The following TLK1 variants were observed in gnomAD, a reference collection of about 807,000 sequenced individuals.
TLK1 encodes the protein serine/threonine-protein kinase tousled-like 1.
TLK1 carries 24 observed loss-of-function variants against 105.3 expected under a neutral mutation model. The observed-to-expected ratio is 0.23, with a 90% CI of 0.17 to 0.32. TLK1 has a LOEUF of 0.32. Ranked by LOEUF, TLK1 falls within the 10% of genes least tolerant of loss-of-function variation. The probability of loss-of-function intolerance (pLI) is 1.00; values close to 1 mark genes in which losing one functional copy is unlikely to be tolerated. For synonymous variants in TLK1, 321 were observed against 310.4 expected (o/e 1.03, Z -0.36); for missense variants, 558 against 910.5 (o/e 0.61, Z 4.98).
upstream of TLK1, among the ~76,000 whole-genome samples, chr2:171,162,235 C>T (rs1442429206): frequency 6.6e-6 from 1 of 152,182 alleles, no homozygotes. Flanking sequence ...ATAAACTGCA[C>T]ATATTTAAAG....
chr2:171,049,390 G>T (rs1687124079), intron 10 of TLK1, among the ~76,000 whole-genome samples: 1 of 152,154 alleles, frequency 6.6e-6, no homozygotes, highest in Admixed American at 6.6e-5. Context: ...CAAAAGAGAA[G>T]TTTTTTCCCT....
At chr2:171,065,541 C>CTTT (rs34975890) in intron 3 of TLK1, among the ~76,000 whole-genome samples, 1 of 140,298 alleles carries the variant, frequency 7.1e-6, no homozygotes, top group Non-Finnish European at 1.6e-5. Flanking sequence ...GCTATTCTTT[C>CTTT]TTTTTTTTTT....
chr2:171,016,016 T>G (rs1685191651), intron 12 of TLK1, among the ~76,000 whole-genome samples: 1 of 151,966 alleles, frequency 6.6e-6, no homozygotes, highest in African/African-American at 2.4e-5. Flanking sequence ...AAGTGGAAGT[T>G]GCAGCAAGCT....
At chr2:171,036,248 C>T (rs1237234043) in intron 11 of TLK1, among the ~76,000 whole-genome samples, 1 of 152,144 alleles carries the variant, frequency 6.6e-6, no homozygotes, top group East Asian at 1.9e-4. Context: ...AGTTCGAGAC[C>T]AGCCTGACCA....
In TLK1 at chr2:171,061,090, T is replaced by C. The variant is rs774536620; in HGVS notation, c.397A>G (p.Ser133Gly). The C allele has an allele frequency of 1.2e-6, 2 of 1,613,514 alleles. No individual in the cohort carries two copies. Among genetic ancestry groups the C allele is most frequent in the Non-Finnish European group, 1.7e-6 (2 of 1,179,730 alleles). ...GATGTTATGTGCTTACCCTGACTACTTTCATTCTGGTTTTCTGCTTTTCTC... is the reference window on the plus strand; with the variant it reads ...GATGTTATGTGCTTACCCTGACTACCTTCATTCTGGTTTTCTGCTTTTCTC... The part of the protein sequence containing the change: ...RKRKAENQNE[S>G]SQGKSIGGRG... Residue 133 changes from serine to glycine, a missense_variant, in exon 4 of 21, where the codon AGT becomes GGT. By Grantham distance (56) the Ser-to-Gly change is moderately conservative (BLOSUM62 0). Transcript: ENST00000431350.
intron 14 of TLK1, among the ~76,000 whole-genome samples, chr2:171,008,892 T>G (rs938926250): frequency 3.9e-5 from 6 of 152,064 alleles, no homozygotes; most frequent in African/African-American, 1.4e-4. Flanking sequence ...TAGCAGAGGG[T>G]TGTTATGAAG....
intron 1 of TLK1, among the ~76,000 whole-genome samples, chr2:171,128,679 C>CT (rs1282654250): frequency 1.3e-5 from 2 of 152,100 alleles, no homozygotes; most frequent in East Asian, 3.8e-4. Flanking sequence ...AGTTCCTCTT[C>CT]CTCTAGCCTC....
chr2:171,083,381 T>C (rs1234714443), intron 2 of TLK1, among the ~76,000 whole-genome samples: 1 of 152,206 alleles, frequency 6.6e-6, no homozygotes, highest in Non-Finnish European at 1.5e-5. Flanking sequence ...CCATTTTAAT[T>C]AATTGCTTTG....
chr2:171,157,670 A>C (rs1692291838), intron 1 of TLK1, among the ~76,000 whole-genome samples: 2 of 152,252 alleles, frequency 1.3e-5, no homozygotes, highest in African/African-American at 4.8e-5. Flanking sequence ...AAATAATCAG[A>C]TCATAATCTT....
intron 1 of TLK1, among the ~76,000 whole-genome samples, chr2:171,123,106 T>C (rs1690727003): frequency 6.6e-6 from 1 of 150,578 alleles, no homozygotes; most frequent in South Asian, 2.1e-4. Context: ...TTAATAAAAG[T>C]TTGCTAATGA....
At chr2:171,158,802 A>T (rs531742653) in intron 1 of TLK1, among the ~76,000 whole-genome samples, 1 of 152,310 alleles carries the variant, frequency 6.6e-6, no homozygotes, top group South Asian at 2.1e-4. Flanking sequence ...GAATCACCAG[A>T]TATACTAAAT....
chr2:171,040,561 C>CTT (rs1181007351), intron 11 of TLK1, among the ~76,000 whole-genome samples: 81 of 123,646 alleles, frequency 6.6e-4, no homozygotes, highest in African/African-American at 2.3e-3. Context: ...AAATATATTC[C>CTT]TTTTTTGTTT....
chr2:171,160,694 G>A lies in TLK1; in HGVS notation c.-266C>T, dbSNP rs1005426862. 10 of 502,384 alleles carry A rather than the reference G, an allele frequency of 2.0e-5. No homozygotes were observed. The highest frequency in any genetic ancestry group is 1.6e-4 in the African/African-American group (8 of 49,404). The allele number at this position is 502,384 out of a possible 1,614,324, so 31.1% of individuals were successfully genotyped here. A position where few individuals can be genotyped will look rare whatever the true frequency, so the allele number is the denominator to read the frequency against. On this transcript the variant is annotated 5_prime_UTR_variant, in exon 1 of 21. Transcript: ENST00000431350. This position sits in a 1 kb window ranked among gnomAD's most constrained non-coding sequence, Gnocchi z 4.4. Reference sequence around the variant, plus strand: ...CGCGCCAGAGGAGAGGAGGAGGAAAGGAGCGCGGCGGCGGAGGCGTCGAGG... The same window carrying A: ...CGCGCCAGAGGAGAGGAGGAGGAAAAGAGCGCGGCGGCGGAGGCGTCGAGG...
intron 1 of TLK1, among the ~76,000 whole-genome samples, chr2:171,223,533 G>T (rs541957273): frequency 7.1e-6 from 1 of 140,624 alleles, no homozygotes; most frequent in Admixed American, 7.6e-5. Context: ...AGGCTGGAGT[G>T]CAGTGGCAAG....
chr2:171,160,059 A>G lies in TLK1; in HGVS notation c.139+231T>C, dbSNP rs1232116998. Among the ~76,000 whole-genome samples, 1 of 151,998 alleles carries G rather than the reference A, an allele frequency of 6.6e-6. No homozygotes were observed. The highest frequency in any genetic ancestry group is 1.5e-5 in the Non-Finnish European group (1 of 67,950). On this transcript the variant is annotated intron_variant, in intron 1 of 20. Coordinates refer to ENST00000431350, the MANE Select transcript of TLK1 (RefSeq NM_012290.5). This position sits in a 1 kb window ranked among gnomAD's most constrained non-coding sequence, Gnocchi z 4.4. ...CTATGCGCCTCGCCCCGTCCCCACC[A>G]GCGCGCACCCCCTCGTCCGTCTCCT...
intron 17 of TLK1, 62 bp downstream of exon 17, chr2:171,006,412 A>G: frequency 6.7e-7 from 1 of 1,502,604 alleles, no homozygotes; most frequent in South Asian, 1.3e-5. Context: ...CAGATAACTT[A>G]ATGAATGACT....
chr2:171,154,182 T>C (rs113889177), intron 1 of TLK1, among the ~76,000 whole-genome samples: 329 of 152,062 alleles, frequency 2.2e-3, no homozygotes, highest in African/African-American at 7.7e-3. Flanking sequence ...ACATAGCACC[T>C]CGCCTGATGA....
rs563384218 is a variant in TLK1, at chr2:171,110,373, G to A, written c.258+7366C>T. Among the ~76,000 whole-genome samples the A allele has an allele frequency of 3.3e-5, 5 of 152,344 alleles. No homozygotes were observed. In the South Asian group the frequency reaches 1.0e-3, roughly 32 times the overall value. The stretch of plus-strand genomic sequence containing the variant: ...AATCCCAGCTACTCGGGAGGCTGAG[G>A]CAGAAGAATCGCTTGAACCTGGGAA... On this transcript the variant is annotated intron_variant, in intron 2 of 20. Transcript: ENST00000431350.
chr2:171,121,180 C>T (rs973561072), intron 1 of TLK1, among the ~76,000 whole-genome samples: 2 of 151,992 alleles, frequency 1.3e-5, no homozygotes, highest in African/African-American at 2.4e-5. Flanking sequence ...TACTTAATAC[C>T]ACTGAACTTT....
Sources: allele counts gnomAD v4.1 joint callset (sites outside exome capture counted in the v4.1 genomes callset), GRCh38; gene constraint gnomAD v4.1.1; non-coding constraint Gnocchi (gnomAD v3.1); transcripts MANE v1.5; gene names NCBI Gene and HGNC (gene_info 2026-07-23, HGNC 2026-07-21).